ASXL3: variants seen among roughly 807,000 people sequenced by gnomAD.
ASXL3 encodes the protein ASXL transcriptional regulator 3, also known as putative Polycomb group protein ASXL3.
Under a neutral mutation model 170.6 loss-of-function variants are expected in ASXL3, and 34 were observed. That is an observed-to-expected ratio of 0.20 (90% CI 0.15 to 0.27). The LOEUF (loss-of-function observed/expected upper bound fraction) is 0.27, where lower values mean the gene tolerates loss of function less well. Among genes scored for constraint, ASXL3 ranks in the 10% least tolerant of loss-of-function variants. The pLI, the probability that ASXL3 is intolerant of heterozygous loss-of-function variation, is 1.00. For synonymous variants in ASXL3, 1,002 were observed against 989.1 expected (o/e 1.01, Z -0.24); for missense variants, 2,592 against 2,695.3 (o/e 0.96, Z 0.85).
At chr18:33,732,986 T>A (rs546960174) in intron 9 of ASXL3, among the ~76,000 whole-genome samples, 1 of 152,278 alleles carries the variant, frequency 6.6e-6, no homozygotes, top group Non-Finnish European at 1.5e-5. Context: ...ACCATCTACG[T>A]TAGATTTTAA....
At chr18:33,580,426 C>G (rs1050167692) in intron 1 of ASXL3, among the ~76,000 whole-genome samples, 8 of 152,126 alleles carry the variant, frequency 5.3e-5, no homozygotes, top group Non-Finnish European at 8.8e-5. Flanking sequence ...GAGTGGCAAT[C>G]AAGTACTATT....
intron 2 of ASXL3, among the ~76,000 whole-genome samples, chr18:33,625,040 G>T (rs1174396441): frequency 6.6e-6 from 1 of 152,104 alleles, no homozygotes; most frequent in Admixed American, 6.6e-5. Context: ...TAGGATCACT[G>T]CCACGTTAAT....
chr18:33,593,933 G>T (rs1327652197), intron 1 of ASXL3, among the ~76,000 whole-genome samples: 1 of 152,020 alleles, frequency 6.6e-6, no homozygotes, highest in Non-Finnish European at 1.5e-5. Context: ...TAAAATAAAA[G>T]ATATTTTACA....
intron 2 of ASXL3, among the ~76,000 whole-genome samples, chr18:33,613,157 A>G (rs531363623): frequency 6.6e-6 from 1 of 152,290 alleles, no homozygotes; most frequent in African/African-American, 2.4e-5. Context: ...TACTCAGATT[A>G]GAAATCTCAA....
At chr18:33,624,962 T>G (rs372620686) in intron 2 of ASXL3, among the ~76,000 whole-genome samples, 9 of 152,190 alleles carry the variant, frequency 5.9e-5, no homozygotes, top group East Asian at 5.8e-4. Context: ...TTATGAACAG[T>G]AATCTGGTTT....
At chr18:33,619,021 T>C (rs1355982091) in intron 2 of ASXL3, among the ~76,000 whole-genome samples, 1 of 152,158 alleles carries the variant, frequency 6.6e-6, no homozygotes, top group Non-Finnish European at 1.5e-5. Flanking sequence ...CATCTATTGA[T>C]CCTTTATATT....
In ASXL3 at chr18:33,745,309, A is replaced by G; in HGVS notation, c.5461A>G (p.Arg1821Gly). The G allele has an allele frequency of 6.2e-7, 1 of 1,613,986 alleles. No homozygotes were observed. The highest frequency in any genetic ancestry group is 8.5e-7 in the Non-Finnish European group (1 of 1,179,900). Residue 1821 changes from arginine to glycine, a missense_variant, in exon 12 of 12, where the codon AGA becomes GGA. By Grantham distance (125) the Arg-to-Gly change is moderately radical. Transcript: ENST00000269197. Reference protein sequence around the residue: ...LAGTLAPLQMRKRENHPKKRV... With the variant: ...LAGTLAPLQMGKRENHPKKRV... ...AGGGACTCTGGCACCACTCCAAATG[A>G]GAAAGCGAGAAAACCACCCCAAAAA...
chr18:33,586,404 C>CT (rs56692329), intron 1 of ASXL3, among the ~76,000 whole-genome samples: 64 of 151,012 alleles, frequency 4.2e-4, no homozygotes, highest in Non-Finnish European at 6.1e-4. Context: ...AATTGCCTTC[C>CT]TTTTTTTTTA....
chr18:33,601,386 C>A (rs1484186312), intron 1 of ASXL3, among the ~76,000 whole-genome samples: 1 of 151,856 alleles, frequency 6.6e-6, no homozygotes, highest in African/African-American at 2.4e-5. Flanking sequence ...TTAGTCCTCA[C>A]AATATTTTTG....
At chr18:33,703,535 C>G (rs555625560) in intron 8 of ASXL3, among the ~76,000 whole-genome samples, 3 of 152,230 alleles carry the variant, frequency 2.0e-5, no homozygotes, top group Admixed American at 6.5e-5. Context: ...TTGTACTTGC[C>G]AGGTATTTAG....
At chr18:33,657,985 G>T (rs2066110635) in intron 4 of ASXL3, among the ~76,000 whole-genome samples, 1 of 152,038 alleles carries the variant, frequency 6.6e-6, no homozygotes, top group Admixed American at 6.6e-5. Context: ...AAAGTATAAG[G>T]TCCTGGCATT....
chr18:33,615,805 A>T (rs1419441384), intron 2 of ASXL3, among the ~76,000 whole-genome samples: 1 of 152,116 alleles, frequency 6.6e-6, no homozygotes. Flanking sequence ...TAATACTCTG[A>T]TACTATAGGG....
chr18:33,689,202 C>T (rs2066647889), intron 8 of ASXL3, among the ~76,000 whole-genome samples: 1 of 152,072 alleles, frequency 6.6e-6, no homozygotes, highest in Non-Finnish European at 1.5e-5. Context: ...CCATGTTGGC[C>T]AGACTAGTTT....
At chr18:33,638,216 ATT>A (rs1427826408) in intron 2 of ASXL3, among the ~76,000 whole-genome samples, 1 of 150,548 alleles carries the variant, frequency 6.6e-6, no homozygotes, top group East Asian at 1.9e-4. Flanking sequence ...ATATATATAT[ATT>A]ATCAAATACA....
intron 8 of ASXL3, among the ~76,000 whole-genome samples, chr18:33,724,471 T>C (rs930369750): frequency 6.6e-6 from 1 of 152,116 alleles, no homozygotes; most frequent in Non-Finnish European, 1.5e-5. Context: ...CATGGGGAAA[T>C]TCATTGTCTC....
At chr18:33,661,340 C>A (rs1221833741) in intron 4 of ASXL3, among the ~76,000 whole-genome samples, 1 of 152,018 alleles carries the variant, frequency 6.6e-6, no homozygotes, top group Non-Finnish European at 1.5e-5. Context: ...CAGATATTGT[C>A]TATTTTTTAT....
chr18:33,605,707 T>C lies in ASXL3; in HGVS notation c.55-1887T>C, dbSNP rs1337739832. ...TGCCCAAATTTCCATTTAAACATTG[T>C]CTAGTACACTAGAGTTTCTTCTTTG... is the stretch of plus-strand genomic sequence containing the variant. On this transcript the variant is annotated intron_variant, in intron 1 of 11. Coordinates refer to ENST00000269197, the MANE Select transcript of ASXL3 (RefSeq NM_030632.3). 2.0e-5 allele frequency: 3 copies of C among 152,266 alleles called. No individual in the cohort carries two copies. In the East Asian group the frequency reaches 5.8e-4, roughly 30 times the overall value. 9.4% of individuals were successfully genotyped at this position (152,266 alleles called of 1,614,324 possible). A position where few individuals can be genotyped will look rare whatever the true frequency, so the allele number is the denominator to read the frequency against.
intron 8 of ASXL3, among the ~76,000 whole-genome samples, chr18:33,705,824 G>A (rs2066946493): frequency 6.6e-6 from 1 of 151,882 alleles, no homozygotes; most frequent in Non-Finnish European, 1.5e-5. Context: ...TAAAATGGTA[G>A]CATATCCTTA....
chr18:33,584,921 CT>C lies in ASXL3; in HGVS notation c.54+6246del, dbSNP rs767409907. ...GTGTGTCTGTATGTGTGTGTGTATA[CT>C]TTTTTTTTTCTATGTAACTTGTCAT... On this transcript the variant is annotated intron_variant, in intron 1 of 11. Coordinates refer to ENST00000269197, the MANE Select transcript of ASXL3 (RefSeq NM_030632.3). Among the ~76,000 whole-genome samples the C allele has an allele frequency of 3.5e-3, 527 of 148,632 alleles. 5 individuals carry two copies. The highest frequency in any genetic ancestry group is 0.015 in the Admixed American group (228 of 14,878).
Sources: gnomAD v4.1 joint callset for allele counts (sites outside exome capture counted in the v4.1 genomes callset) on GRCh38, gnomAD v4.1.1 for gene constraint, MANE v1.5 for transcripts, NCBI Gene and HGNC (gene_info 2026-07-23, HGNC 2026-07-21) for gene names.